The following PABIR3 variants were observed in gnomAD, a reference collection of about 807,000 sequenced individuals.
PABIR3 encodes the protein PABIR family member 3, also known as PABIR family member 1.
In PABIR3, 20 loss-of-function variants were observed where a neutral mutation model predicts 23.1. That is an observed-to-expected ratio of 0.86 (90% CI 0.61 to 1.26). The LOEUF is 1.26. Ranked by LOEUF, PABIR3 falls within the 50% of genes most tolerant of loss-of-function variation. PABIR3 has a pLI of 0.00. For missense variants in PABIR3, 189 were observed against 195.4 expected, an observed-to-expected ratio of 0.97 and a Z score of 0.20; for synonymous variants, 69 against 68.5, an observed-to-expected ratio of 1.01 and a Z score of -0.04.
chrX:134,804,053 G>T, upstream of PABIR3: 1 of 370,165 alleles, frequency 2.7e-6, no homozygotes, highest in Non-Finnish European at 4.7e-6. Flanking sequence ...ATGACAACTG[G>T]TAAAATAAAG....
intron 4 of PABIR3, chrX:134,831,741 C>T (rs1317034517): frequency 8.9e-6 from 1 of 111,765 alleles, no homozygotes; most frequent in African/African-American, 3.3e-5. Flanking sequence ...CTTTGTGTTA[C>T]AAACAATTCA....
At chrX:134,842,273 T>G (rs1162922517) in intron 4 of PABIR3, among the ~76,000 whole-genome samples, 1 of 112,202 alleles carries the variant, frequency 8.9e-6, no homozygotes, top group African/African-American at 3.2e-5. Flanking sequence ...ATTATCCAGT[T>G]GTCTTTTCAC....
At chrX:134,849,364 T>G in intron 9 of PABIR3, 136 bp downstream of exon 9, 1 of 233,631 alleles carries the variant, frequency 4.3e-6, no homozygotes, top group Non-Finnish European at 7.3e-6. Flanking sequence ...TTAGAGGCCT[T>G]TCATTTTATG....
At chrX:134,818,894 T>C (rs2081116094) in intron 3 of PABIR3, among the ~76,000 whole-genome samples, 1 of 110,280 alleles carries the variant, frequency 9.1e-6, no homozygotes, top group Non-Finnish European at 1.9e-5. Context: ...TTTAAAATCT[T>C]TTTTTCTAGT....
the PABIR3 span, among the ~76,000 whole-genome samples, chrX:134,860,547 A>T: frequency 8.9e-5 from 10 of 112,019 alleles, no homozygotes; most frequent in African/African-American, 3.2e-4. Context: ...GGTAGTGTGT[A>T]TCAAAAGCCT....
chrX:134,811,595 C>T (rs1206518192), intron 2 of PABIR3, among the ~76,000 whole-genome samples: 2 of 110,613 alleles, frequency 1.8e-5, no homozygotes, highest in African/African-American at 6.6e-5. Flanking sequence ...CTATGTTGGC[C>T]AGGCTAATTT....
chrX:134,836,374 C>T (rs1209762243), intron 4 of PABIR3, among the ~76,000 whole-genome samples: 1 of 112,855 alleles, frequency 8.9e-6, no homozygotes, highest in Non-Finnish European at 1.9e-5. Flanking sequence ...CATGCAGAAA[C>T]AGTTTGTATA....
At chrX:134,800,618 C>T (rs112704808) in intron 1 of PABIR3, among the ~76,000 whole-genome samples, 95 of 109,775 alleles carry the variant, frequency 8.7e-4, no homozygotes, top group African/African-American at 3.1e-3. Context: ...GGTGAAACCC[C>T]GTCTCTACTA....
chrX:134,834,955 A>C (rs1306370226), intron 4 of PABIR3: 2 of 112,148 alleles, frequency 1.8e-5, no homozygotes, highest in East Asian at 5.5e-4. Context: ...TGAAGAAACC[A>C]GGGAGTCCAT....
chrX:134,826,804 C>A lies in PABIR3; in HGVS notation c.190-2422C>A, dbSNP rs906914522. On this transcript the variant is annotated intron_variant, in intron 3 of 10. Coordinates refer to ENST00000645433, the MANE Select transcript of PABIR3 (RefSeq NM_001388447.1). ...TTCTAGCAAATGATTTGAAAAAAAA[C>A]AAACTGATTTTAATACTTTAAGCAA... Among the ~76,000 whole-genome samples, 4 of 111,032 alleles carry A rather than the reference C, an allele frequency of 3.6e-5. No individual in the cohort carries two copies. The Admixed American group carries it at 3.9e-4, about 11-fold the overall frequency.
chrX:134,804,395 T>C, upstream of PABIR3: 1 of 390,535 alleles, frequency 2.6e-6, no homozygotes, highest in Non-Finnish European at 4.3e-6. Flanking sequence ...CTATGAGTCC[T>C]ATTTATATCT....
intron 9 of PABIR3, among the ~76,000 whole-genome samples, chrX:134,850,262 G>T (rs2082586160): frequency 9.0e-6 from 1 of 110,664 alleles, no homozygotes; most frequent in Admixed American, 9.7e-5. Flanking sequence ...ATCTATTAAG[G>T]TAAGAAAGAG....
chrX:134,850,935 C>A (rs1361778879), intron 9 of PABIR3, among the ~76,000 whole-genome samples: 1 of 111,743 alleles, frequency 8.9e-6, no homozygotes, highest in Non-Finnish European at 1.9e-5. Context: ...TACAAATGTG[C>A]TGAAAATTCA....
upstream of PABIR3, among the ~76,000 whole-genome samples, chrX:134,802,264 T>C (rs2080087282): frequency 1.8e-5 from 2 of 110,954 alleles, no homozygotes; most frequent in South Asian, 7.7e-4. Flanking sequence ...TTTGTATTTT[T>C]AGTAGAGATG....
At chrX:134,820,512 AGTT>A (rs1167961699) in intron 3 of PABIR3, among the ~76,000 whole-genome samples, 5 of 110,500 alleles carry the variant, frequency 4.5e-5, no homozygotes, top group Admixed American at 2.0e-4. Flanking sequence ...GGGAATGGGG[AGTT>A]GTTGTTTAAA....
intron 4 of PABIR3, among the ~76,000 whole-genome samples, chrX:134,836,758 T>A (rs971440030): frequency 8.9e-6 from 1 of 111,756 alleles, no homozygotes; most frequent in Non-Finnish European, 1.9e-5. Context: ...AACACAGGAA[T>A]TTGAGGGGAC....
At chrX:134,814,937 G>C in intron 3 of PABIR3, 88 bp downstream of exon 3, 1 of 724,023 alleles carries the variant, frequency 1.4e-6, no homozygotes, top group East Asian at 3.5e-5. Flanking sequence ...CATTCACAGG[G>C]AGGGCTTATT....
At chrX:134,802,467 G>A (rs889010982), upstream of PABIR3, among the ~76,000 whole-genome samples, 7 of 111,191 alleles carry the variant, frequency 6.3e-5, no homozygotes, top group Non-Finnish European at 1.1e-4. Context: ...GGTTAGCCCC[G>A]GTACAAGGAA....
intron 9 of PABIR3, among the ~76,000 whole-genome samples, chrX:134,850,964 G>A (rs1283059819): frequency 8.9e-6 from 1 of 111,892 alleles, no homozygotes; most frequent in East Asian, 2.8e-4. Context: ...TTTTTGGCCA[G>A]ATACAATAAC....
Sources: allele counts gnomAD v4.1 joint callset (sites outside exome capture counted in the v4.1 genomes callset), GRCh38; gene constraint gnomAD v4.1.1; transcripts MANE v1.5; gene names NCBI Gene and HGNC (gene_info 2026-07-23, HGNC 2026-07-21).